The following SMOC2 variants were observed in gnomAD, a reference collection of about 807,000 sequenced individuals.
The protein encoded by SMOC2 is SPARC-related modular calcium-binding protein 2.
SMOC2 carries 39 observed loss-of-function variants against 61.4 expected under a neutral mutation model. That is an observed-to-expected ratio of 0.64 (90% CI 0.49 to 0.83). The LOEUF (loss-of-function observed/expected upper bound fraction) is 0.83, where lower values mean the gene tolerates loss of function less well. SMOC2 is among the 40% of genes least tolerant of loss of function. SMOC2 has a pLI of 0.00. For missense variants in SMOC2, 556 were observed against 592.9 expected (o/e 0.94, Z 0.65); for synonymous variants, 247 against 239.9 (o/e 1.03, Z -0.27).
chr6:168,534,772 C>T (rs1241972605), intron 4 of SMOC2, among the ~76,000 whole-genome samples: 2 of 152,162 alleles, frequency 1.3e-5, no homozygotes, highest in African/African-American at 4.8e-5. Context: ...ACTGGAGCCT[C>T]ACATGAGTTG....
At chr6:168,555,141 C>T (rs1784217879) in intron 7 of SMOC2, among the ~76,000 whole-genome samples, 1 of 152,230 alleles carries the variant, frequency 6.6e-6, no homozygotes, top group Non-Finnish European at 1.5e-5. Context: ...CTCTCGGCCT[C>T]GCCCTCAAGT....
At chr6:168,603,950 G>A (rs1483161093) in intron 8 of SMOC2, among the ~76,000 whole-genome samples, 1 of 152,226 alleles carries the variant, frequency 6.6e-6, no homozygotes, top group Non-Finnish European at 1.5e-5. Flanking sequence ...TTGGTTTCAT[G>A]TAGTGAGATG....
chr6:168,631,807 T>C (rs1378787638), intron 9 of SMOC2, among the ~76,000 whole-genome samples: 6 of 152,224 alleles, frequency 3.9e-5, no homozygotes, highest in Admixed American at 3.9e-4. Context: ...TTTGATTATG[T>C]GTCCAGGTGA....
At chr6:168,577,781 G>T (rs1212744156) in intron 7 of SMOC2, among the ~76,000 whole-genome samples, 1 of 152,220 alleles carries the variant, frequency 6.6e-6, no homozygotes, top group Non-Finnish European at 1.5e-5. Flanking sequence ...TGAGACCCTG[G>T]AGGTGACGAG....
intron 9 of SMOC2, among the ~76,000 whole-genome samples, chr6:168,610,172 C>T (rs1187842468): frequency 1.3e-5 from 2 of 152,180 alleles, no homozygotes; most frequent in African/African-American, 4.8e-5. Flanking sequence ...TGAGGATGGG[C>T]ACGTCAGAAA....
intron 2 of SMOC2, among the ~76,000 whole-genome samples, chr6:168,524,910 C>A (rs1384153531): frequency 1.3e-5 from 2 of 152,268 alleles, no homozygotes; most frequent in Admixed American, 6.5e-5. Flanking sequence ...GAGGCGGAGC[C>A]TGTAGGAGCC....
chr6:168,611,432 C>T (rs548802611), intron 9 of SMOC2, among the ~76,000 whole-genome samples: 7 of 128,660 alleles, frequency 5.4e-5, no homozygotes, highest in South Asian at 5.8e-4. Context: ...GCTCCCGTGT[C>T]GGGCCTGGCC....
chr6:168,658,997 G>A (rs1787401744), intron 11 of SMOC2, among the ~76,000 whole-genome samples: 1 of 143,956 alleles, frequency 6.9e-6, no homozygotes, highest in South Asian at 2.2e-4. Context: ...GTGTAAATAT[G>A]GGGTGTGTGT....
chr6:168,628,472 G>T (rs999939377), intron 9 of SMOC2, among the ~76,000 whole-genome samples: 2 of 152,216 alleles, frequency 1.3e-5, no homozygotes, highest in Admixed American at 1.3e-4. Flanking sequence ...TTAAAAGACT[G>T]TGGGCCAGGT....
chr6:168,657,543 C>G (rs1281704973), intron 11 of SMOC2, among the ~76,000 whole-genome samples: 4 of 152,202 alleles, frequency 2.6e-5, no homozygotes, highest in South Asian at 4.1e-4. Context: ...CACTGGGTTT[C>G]CTGAGCACTT....
intron 4 of SMOC2, among the ~76,000 whole-genome samples, chr6:168,542,927 T>C (rs1452330065): frequency 6.6e-6 from 1 of 152,210 alleles, no homozygotes; most frequent in East Asian, 1.9e-4. Flanking sequence ...TGGGCATGTG[T>C]ATGGCTATGG....
chr6:168,445,654 C>G (rs760029226), intron 1 of SMOC2, among the ~76,000 whole-genome samples: 1 of 152,126 alleles, frequency 6.6e-6, no homozygotes, highest in Non-Finnish European at 1.5e-5. Context: ...ATTGCAAATG[C>G]CTTGAGTCCA....
At chr6:168,599,609 C>T (rs193142501) in intron 8 of SMOC2, among the ~76,000 whole-genome samples, 18 of 99,838 alleles carry the variant, frequency 1.8e-4, no homozygotes, top group African/African-American at 7.6e-4. Flanking sequence ...CCCCACACAC[C>T]CACACACACT....
rs537619114 is a variant in SMOC2, at chr6:168,566,037, G to C, written c.637+16834G>C. Among the ~76,000 whole-genome samples, 4 of 152,208 alleles carry C rather than the reference G, an allele frequency of 2.6e-5. No homozygotes were observed. In the East Asian group the frequency reaches 7.7e-4, roughly 29 times the overall value. ...TATATAAAATAGTTATTTTCAATTG[G>C]TGATTCTTTTTTTACTATTTTTATG... is the stretch of plus-strand genomic sequence containing the variant. On this transcript the variant is annotated intron_variant, in intron 7 of 12. Coordinates refer to ENST00000356284, the MANE Select transcript of SMOC2 (RefSeq NM_001166412.2).
chr6:168,625,684 C>G (rs1280659106), intron 9 of SMOC2, among the ~76,000 whole-genome samples: 1 of 152,190 alleles, frequency 6.6e-6, no homozygotes, highest in Non-Finnish European at 1.5e-5. Flanking sequence ...TATACACAGC[C>G]AAGCCGAGCC....
intron 7 of SMOC2, among the ~76,000 whole-genome samples, chr6:168,573,564 G>A (rs1222323099): frequency 2.0e-5 from 3 of 152,172 alleles, no homozygotes; most frequent in Admixed American, 6.5e-5. Context: ...GAGGCGCAGA[G>A]GCTGGAGTAG....
At chr6:168,654,367 A>G (rs372684978) in intron 11 of SMOC2, among the ~76,000 whole-genome samples, 19 of 30,032 alleles carry the variant, frequency 6.3e-4, no homozygotes, top group Non-Finnish European at 9.3e-4. Flanking sequence ...GCTCCAACCA[A>G]ATGTTAGGAA....
chr6:168,461,350 C>T (rs532309103), intron 1 of SMOC2, among the ~76,000 whole-genome samples: 4 of 152,202 alleles, frequency 2.6e-5, no homozygotes, highest in Middle Eastern at 3.4e-3. Flanking sequence ...GGACACAGAG[C>T]CAAACCATAT....
At position 168,529,824 on chromosome 6, in the gene SMOC2, G is replaced by A. The variant is rs536737843; in HGVS notation, c.463+2097G>A. ...AAGTAATGCAGAGAAGCAGAGAAGC[G>A]GGCATCACCTGTGAGATCGTGGTCA... On this transcript the variant is annotated intron_variant, in intron 4 of 12. Coordinates refer to ENST00000356284, the MANE Select transcript of SMOC2 (RefSeq NM_001166412.2). Among the ~76,000 whole-genome samples the A allele has an allele frequency of 7.9e-5, 12 of 152,312 alleles. No homozygotes were observed. In the South Asian group the frequency reaches 2.1e-3, roughly 26 times the overall value.
Sources: allele counts gnomAD v4.1 joint callset (sites outside exome capture counted in the v4.1 genomes callset), GRCh38; gene constraint gnomAD v4.1.1; transcripts MANE v1.5; gene names NCBI Gene and HGNC (gene_info 2026-07-23, HGNC 2026-07-21).